MCAT: variants seen among roughly 807,000 people sequenced by gnomAD.
MCAT encodes malonyl-CoA-acyl carrier protein transacylase, also known as malonyl-CoA-acyl carrier protein transacylase, mitochondrial.
MCAT carries 22 observed loss-of-function variants against 22.9 expected under a neutral mutation model. The observed-to-expected ratio is 0.96, with a 90% CI of 0.69 to 1.37. The LOEUF (loss-of-function observed/expected upper bound fraction) is 1.37. Ranked by LOEUF, MCAT falls within the 40% of genes most tolerant of loss-of-function variation. MCAT has a pLI of 0.00. For missense variants in MCAT, 534 were observed against 533.6 expected, an observed-to-expected ratio of 1.00 and a Z score of -0.01; for synonymous variants, 240 against 233.9, an observed-to-expected ratio of 1.03 and a Z score of -0.24.
chr22:43,137,049 G>A (rs1421475435), intron 3 of MCAT, 32 bp downstream of exon 3: 5 of 1,576,296 alleles, frequency 3.2e-6, no homozygotes, highest in Middle Eastern at 1.7e-4. Flanking sequence ...GTACTGGACT[G>A]GCCTATGAAG....
chr22:43,141,034 A>C (rs745329097), intron 2 of MCAT, 128 bp downstream of exon 2: 5 of 710,466 alleles, frequency 7.0e-6, no homozygotes, highest in Non-Finnish European at 1.3e-5. Context: ...CTCATGTGCC[A>C]ATGTCACCCC....
rs550787279 is a variant in MCAT, at chr22:43,132,908, C to T, written c.*135G>A. 1.3e-6 allele frequency: 1 copy of T among 756,922 alleles called. No individual in the cohort carries two copies. Among genetic ancestry groups the T allele is most frequent in the Admixed American group, 2.7e-5 (1 of 36,450 alleles). The allele number at this position is 756,922 out of a possible 1,614,324, so 46.9% of individuals were successfully genotyped here. A position where few individuals can be genotyped will look rare whatever the true frequency, so the allele number is the denominator to read the frequency against. On this transcript the variant is annotated 3_prime_UTR_variant, in exon 4 of 4. Coordinates refer to ENST00000290429, the MANE Select transcript of MCAT (RefSeq NM_173467.5). Reference sequence around the variant, plus strand: ...TCATTTTTAGGGCTTTTTATGTGGCCTTCAAAGCACGTTGCAAACAAATCC... The same window carrying T: ...TCATTTTTAGGGCTTTTTATGTGGCTTTCAAAGCACGTTGCAAACAAATCC...
At chr22:43,136,108 G>A (rs1176183613) in intron 3 of MCAT, among the ~76,000 whole-genome samples, 3 of 152,116 alleles carry the variant, frequency 2.0e-5, no homozygotes, top group Admixed American at 2.0e-4. Flanking sequence ...GCCAGGTGTG[G>A]TTGCCCGTGT....
chr22:43,135,104 G>A (rs533173294), intron 3 of MCAT, among the ~76,000 whole-genome samples: 15 of 152,350 alleles, frequency 9.8e-5, no homozygotes, highest in African/African-American at 3.4e-4. Context: ...GGCATTGGGC[G>A]AGCAGGGCCC....
rs189672905 is a variant in MCAT at position 43,140,205 on chromosome 22, T to C, written c.511+957A>G. 4.2e-3 allele frequency among the ~76,000 whole-genome samples: 639 copies of C among 152,278 alleles called. 3 individuals are homozygous for C. The highest frequency in any genetic ancestry group is 6.8e-3 in the Non-Finnish European group (465 of 68,032). On this transcript the variant is annotated intron_variant, in intron 2 of 3. Coordinates refer to ENST00000290429, the MANE Select transcript of MCAT (RefSeq NM_173467.5). ...TCTTTTTTGTTTGTTTTGGACAGGG[T>C]CTTGCTCTGTCACCCATGCCGCAGT...
chr22:43,139,897 T>A (rs949471381), intron 2 of MCAT, among the ~76,000 whole-genome samples: 7 of 152,266 alleles, frequency 4.6e-5, no homozygotes, highest in Admixed American at 3.3e-4. Context: ...CTGCACATTA[T>A]GTACACATAA....
chr22:43,142,300 G>A (rs1262104913), intron 1 of MCAT, among the ~76,000 whole-genome samples: 1 of 152,126 alleles, frequency 6.6e-6, no homozygotes, highest in Non-Finnish European at 1.5e-5. Context: ...AGGCCGAGGT[G>A]GGTGAACCTG....
chr22:43,132,926 A>G lies in MCAT; in HGVS notation c.*117T>C, dbSNP rs1269475416. The G allele has an allele frequency of 1.3e-5, 12 of 942,044 alleles. No homozygotes were observed. Among genetic ancestry groups the G allele is most frequent in the Middle Eastern group, 3.4e-4 (1 of 2,942 alleles). 58.4% of individuals were successfully genotyped at this position (942,044 alleles called of 1,614,324 possible). On this transcript the variant is annotated 3_prime_UTR_variant, in exon 4 of 4. Transcript: ENST00000290429. ...ATGTGGCCTTCAAAGCACGTTGCAA[A>G]CAAATCCCTTTCACTCCTCAGAGGA...
rs570380764 is a variant in MCAT, at chr22:43,141,576, C to CT, written c.424-328dup. ...CGTTGTGCACAAGTTAAGAGCATGA[C>CT]TTTTTTTTTTTTGAGGCGGAGTTTT... On this transcript the variant is annotated intron_variant, in intron 1 of 3. Coordinates refer to ENST00000290429, the MANE Select transcript of MCAT (RefSeq NM_173467.5). 1.3e-3 allele frequency among the ~76,000 whole-genome samples: 186 copies of CT among 147,264 alleles called. 1 individual carries two copies. Among genetic ancestry groups the CT allele is most frequent in the African/African-American group, 3.4e-3 (138 of 40,386 alleles).
intron 1 of MCAT, 70 bp downstream of exon 1, chr22:43,142,856 G>A (rs934022802): frequency 7.2e-7 from 1 of 1,381,042 alleles, no homozygotes; most frequent in East Asian, 2.9e-5. Flanking sequence ...GCAGGCGGAA[G>A]CCTCTGGCAG....
intron 2 of MCAT, among the ~76,000 whole-genome samples, chr22:43,137,720 C>T (rs959927737): frequency 2.7e-5 from 4 of 149,002 alleles, no homozygotes; most frequent in Non-Finnish European, 5.9e-5. Flanking sequence ...AATGACCTGG[C>T]CCAATAGCGC....
chr22:43,137,234 C>G lies in MCAT; in HGVS notation c.576G>C (p.Gly192=), dbSNP rs771981666. Residue 192 remains glycine, a synonymous_variant, in exon 3 of 4, where the codon GGG becomes GGC. Coordinates refer to ENST00000290429, the MANE Select transcript of MCAT (RefSeq NM_173467.5). ...GAGGCTGGCCGAGGACAGACAGCATCCCACTGGGGACAGCTTCTGAAGCTT... is the reference window on the plus strand; with the variant it reads ...GAGGCTGGCCGAGGACAGACAGCATGCCACTGGGGACAGCTTCTGAAGCTT... ...MQEASEAVPS[G]MLSVLGQPQS... 2 of 1,614,212 alleles carry G rather than the reference C, an allele frequency of 1.2e-6. No homozygotes were observed. The highest frequency in any genetic ancestry group is 3.3e-5 in the Admixed American group (2 of 60,030).
intron 3 of MCAT, among the ~76,000 whole-genome samples, chr22:43,136,046 C>G (rs369095186): frequency 6.6e-6 from 1 of 152,118 alleles, no homozygotes; most frequent in Admixed American, 6.6e-5. Context: ...AGTTCAAGAC[C>G]AGCTTGGGCA....
At chr22:43,141,300 T>C in intron 1 of MCAT, 51 bp from the exon 2 acceptor site, 3 of 1,501,274 alleles carry the variant, frequency 2.0e-6, no homozygotes, top group Non-Finnish European at 1.9e-6. Context: ...GGGATCCCAG[T>C]TCCAGGGCTC....
At chr22:43,142,000 G>C (rs1473269570) in intron 1 of MCAT, among the ~76,000 whole-genome samples, 1 of 152,242 alleles carries the variant, frequency 6.6e-6, no homozygotes, top group East Asian at 1.9e-4. Context: ...ACTAGGGTAA[G>C]CAGTGAATGA....
intron 2 of MCAT, among the ~76,000 whole-genome samples, chr22:43,139,665 G>A (rs1284089637): frequency 4.8e-5 from 7 of 146,714 alleles, no homozygotes; most frequent in Non-Finnish European, 8.9e-5. Context: ...TGCAACCTCT[G>A]CCTCCTGGTT....
At chr22:43,135,952 C>T (rs1289280176) in intron 3 of MCAT, among the ~76,000 whole-genome samples, 1 of 152,110 alleles carries the variant, frequency 6.6e-6, no homozygotes, top group African/African-American at 2.4e-5. Flanking sequence ...ATTAAGAATC[C>T]CTTCCTTTAG....
At chr22:43,138,631 G>C (rs1930687285) in intron 2 of MCAT, among the ~76,000 whole-genome samples, 1 of 152,166 alleles carries the variant, frequency 6.6e-6, no homozygotes, top group Non-Finnish European at 1.5e-5. Context: ...CAGCTACTTG[G>C]GAGGCTGAGG....
At chr22:43,137,750 T>TA (rs112412023) in intron 2 of MCAT, among the ~76,000 whole-genome samples, 2,931 of 149,890 alleles carry the variant, frequency 0.02, 87 homozygotes, top group African/African-American at 0.065. Flanking sequence ...TTTTTTTTTT[T>TA]AAATAGTGCC....
Sources: gnomAD v4.1 joint callset for allele counts (sites outside exome capture counted in the v4.1 genomes callset) on GRCh38, gnomAD v4.1.1 for gene constraint, MANE v1.5 for transcripts, NCBI Gene and HGNC (gene_info 2026-07-23, HGNC 2026-07-21) for gene names.